UBE4B: variants seen among roughly 807,000 people sequenced by gnomAD.
UBE4B encodes the protein ubiquitination factor E4B.
UBE4B carries 27 observed loss-of-function variants against 148.1 expected under a neutral mutation model. That is an observed-to-expected ratio of 0.18 (90% confidence interval 0.13 to 0.25). The LOEUF (loss-of-function observed/expected upper bound fraction) is 0.25, where lower values mean the gene tolerates loss of function less well. UBE4B is among the 10% of genes least tolerant of loss of function. The pLI is 1.00. For synonymous variants in UBE4B, 596 were observed against 619.3 expected (o/e 0.96, Z 0.56); for missense variants, 1,170 against 1,662.4 (o/e 0.70, Z 5.15).
At chr1:10,099,590 G>A (rs185604586) in intron 3 of UBE4B, among the ~76,000 whole-genome samples, 3 of 152,236 alleles carry the variant, frequency 2.0e-5, no homozygotes, top group Admixed American at 6.5e-5. Flanking sequence ...TCAAAATCCC[G>A]GGAGGGTTTT....
At chr1:10,062,038 T>C (rs12142943) in intron 1 of UBE4B, among the ~76,000 whole-genome samples, 1 of 151,220 alleles carries the variant, frequency 6.6e-6, no homozygotes, top group African/African-American at 2.4e-5. Flanking sequence ...GCTTCCTGAG[T>C]ATCTGGGATT....
Position 10,162,464 on chromosome 1 carries a change from CA to C in UBE4B, c.3198+1179del, listed in dbSNP as rs1424794100. Among the ~76,000 whole-genome samples the C allele has an allele frequency of 3.3e-5, 5 of 152,212 alleles. No homozygotes were observed. The South Asian group carries it at 1.0e-3, about 32-fold the overall frequency. Reference sequence around the variant, plus strand: ...CTGGGATTACAGGCGTGAGCCATTGCACCCGGACAATTTTTGTATTTTTAGT... The same window carrying C: ...CTGGGATTACAGGCGTGAGCCATTGCCCCGGACAATTTTTGTATTTTTAGT... On this transcript the variant is annotated intron_variant, in intron 23 of 27. Coordinates refer to ENST00000343090, the MANE Select transcript of UBE4B (RefSeq NM_001105562.3).
chr1:10,107,368 G>A (rs905503416), intron 7 of UBE4B: 1 of 1,288,196 alleles, frequency 7.8e-7, no homozygotes, highest in Non-Finnish European at 1.0e-6. Flanking sequence ...GTCCAGTTTG[G>A]GTCCAGGTAT....
intron 22 of UBE4B, 71 bp downstream of exon 22, chr1:10,158,553 A>C: frequency 6.4e-7 from 1 of 1,567,736 alleles, no homozygotes; most frequent in Non-Finnish European, 8.7e-7. Flanking sequence ...GCTTAAAAGC[A>C]TGCACAGCTG....
intron 16 of UBE4B, 94 bp downstream of exon 16, chr1:10,135,280 A>C: frequency 8.0e-7 from 1 of 1,257,662 alleles, no homozygotes; most frequent in Non-Finnish European, 1.1e-6. Flanking sequence ...TCACCATAAA[A>C]TGAACTTAAG....
At chr1:10,120,815 G>T (rs1247739647) in intron 9 of UBE4B, among the ~76,000 whole-genome samples, 1 of 152,092 alleles carries the variant, frequency 6.6e-6, no homozygotes, top group African/African-American at 2.4e-5. Flanking sequence ...TCCAGCCTGG[G>T]CAACAGAGCA....
At chr1:10,080,426 AAAAGAAAGAAAG>A (rs201059375) in intron 2 of UBE4B, among the ~76,000 whole-genome samples, 1 of 151,624 alleles carries the variant, frequency 6.6e-6, no homozygotes, top group Non-Finnish European at 1.5e-5. Context: ...CAAAAAAAAA[AAAAGAAAGAAAG>A]AAAGAAAGAA....
At chr1:10,114,555 A>AT (rs1645275227) in intron 7 of UBE4B, among the ~76,000 whole-genome samples, 1 of 152,078 alleles carries the variant, frequency 6.6e-6, no homozygotes, top group Non-Finnish European at 1.5e-5. Flanking sequence ...ATACCAAAAA[A>AT]TTAGTTGCTA....
intron 1 of UBE4B, among the ~76,000 whole-genome samples, chr1:10,040,897 G>A (rs929344464): frequency 1.8e-4 from 28 of 152,042 alleles, no homozygotes; most frequent in Admixed American, 1.4e-3. Flanking sequence ...TGGGATTACC[G>A]GCGTGAGCCA....
At chr1:10,043,421 CT>C (rs35513799) in intron 1 of UBE4B, among the ~76,000 whole-genome samples, 1,295 of 110,830 alleles carry the variant, frequency 0.012, 3 homozygotes, top group African/African-American at 0.041. Context: ...TGAGATGCTG[CT>C]TTTTTTTTTT....
At chr1:10,064,485 G>T (rs759622736) in intron 1 of UBE4B, among the ~76,000 whole-genome samples, 1 of 152,152 alleles carries the variant, frequency 6.6e-6, no homozygotes, top group African/African-American at 2.4e-5. Context: ...TAAGGATACA[G>T]GAGTCTTCTT....
Position 10,061,962 on chromosome 1 carries a change from T to C in UBE4B, c.25-10066T>C, listed in dbSNP as rs1260635206. Among the ~76,000 whole-genome samples the C allele has an allele frequency of 2.0e-5, 3 of 150,252 alleles. No homozygotes were observed. The East Asian group carries it at 5.9e-4, about 29-fold the overall frequency. On this transcript the variant is annotated intron_variant, in intron 1 of 27. Transcript: ENST00000343090. The stretch of plus-strand genomic sequence containing the variant: ...GTCTCGCTCTGTTGCCAGGCTGGAG[T>C]GCAGTGGCGCGATCTTGGCTCACTG...
chr1:10,118,079 G>C (rs1196482514), intron 8 of UBE4B, among the ~76,000 whole-genome samples: 2 of 152,290 alleles, frequency 1.3e-5, no homozygotes, highest in South Asian at 4.1e-4. Flanking sequence ...GAGAGATTAA[G>C]TACTTGTCCA....
At position 10,083,737 on chromosome 1, in the gene UBE4B, T is replaced by G. The variant is rs370054373; in HGVS notation, c.211+11523T>G. Among the ~76,000 whole-genome samples, 118 of 152,216 alleles carry G rather than the reference T, an allele frequency of 7.8e-4. 1 individual carries two copies. Among genetic ancestry groups the G allele is most frequent in the African/African-American group, 2.7e-3 (111 of 41,520 alleles). On this transcript the variant is annotated intron_variant, in intron 2 of 27. Transcript: ENST00000343090. The stretch of plus-strand genomic sequence containing the variant: ...GGCTCCTAGAAGAGGTTGAAATCCT[T>G]TGCTTTTTGCTTATTCATTTTAATT...
At chr1:10,174,687 A>T (rs1451490717) in intron 25 of UBE4B, among the ~76,000 whole-genome samples, 1 of 145,080 alleles carries the variant, frequency 6.9e-6, no homozygotes, top group East Asian at 2.0e-4. Context: ...GGGCAACAAG[A>T]GCGAAACTCC....
chr1:10,131,860 G>A (rs1432650453), intron 14 of UBE4B, among the ~76,000 whole-genome samples: 1 of 152,134 alleles, frequency 6.6e-6, no homozygotes, highest in Non-Finnish European at 1.5e-5. Flanking sequence ...GGCTGAGGCA[G>A]GAGAATCGCT....
intron 17 of UBE4B, among the ~76,000 whole-genome samples, chr1:10,138,524 G>A (rs561546600): frequency 6.6e-5 from 10 of 152,234 alleles, no homozygotes; most frequent in Middle Eastern, 3.4e-3. Flanking sequence ...GTGAGCCACC[G>A]TGCCTGGCCT....
chr1:10,072,782 G>T, intron 2 of UBE4B: 1 of 274,946 alleles, frequency 3.6e-6, no homozygotes, highest in Non-Finnish European at 6.7e-6. Flanking sequence ...CTCATACTGT[G>T]TATTTGAAAA....
intron 1 of UBE4B, among the ~76,000 whole-genome samples, chr1:10,043,412 G>A (rs1215645498): frequency 6.9e-6 from 1 of 145,242 alleles, no homozygotes; most frequent in East Asian, 2.1e-4. Context: ...CTTTGAAATT[G>A]AGATGCTGCT....
Sources: gnomAD v4.1 joint callset for allele counts (sites outside exome capture counted in the v4.1 genomes callset) on GRCh38, gnomAD v4.1.1 for gene constraint, MANE v1.5 for transcripts, NCBI Gene and HGNC (gene_info 2026-07-23, HGNC 2026-07-21) for gene names.